The following QRICH1 variants were observed in gnomAD, a reference collection of about 807,000 sequenced individuals.
The protein encoded by QRICH1 is transcriptional regulator QRICH1.
QRICH1 carries 16 observed loss-of-function variants against 87.1 expected under a neutral mutation model. That is an observed-to-expected ratio of 0.18 (90% CI 0.12 to 0.28). The LOEUF is 0.28. Ranked by LOEUF, QRICH1 falls within the 10% of genes least tolerant of loss-of-function variation. The pLI is 1.00. For missense variants in QRICH1, 647 were observed against 951.7 expected, an observed-to-expected ratio of 0.68 and a Z score of 4.21; for synonymous variants, 367 against 368.4, an observed-to-expected ratio of 1.00 and a Z score of 0.05.
chr3:49,033,621 G>A (rs2093255850), intron 6 of QRICH1: 2 of 154,740 alleles, frequency 1.3e-5, no homozygotes, highest in South Asian at 4.1e-4. Context: ...TTTCAAAGGT[G>A]GTCCAGGACC....
At chr3:49,059,172 A>G (rs1265606912) in intron 2 of QRICH1, among the ~76,000 whole-genome samples, 1 of 149,996 alleles carries the variant, frequency 6.7e-6, no homozygotes, top group Non-Finnish European at 1.5e-5. Flanking sequence ...TCACCATGTT[A>G]GCCAGGATGG....
chr3:49,093,420 T>C (rs2042317228), intron 1 of QRICH1: 1 of 151,946 alleles, frequency 6.6e-6, no homozygotes, highest in Non-Finnish European at 1.5e-5. Context: ...ATCCTCAACC[T>C]TCCCAGCGCA....
chr3:49,093,780 T>G (rs1014131669), intron 1 of QRICH1, 132 bp downstream of exon 1: 3 of 346,868 alleles, frequency 8.6e-6, no homozygotes, highest in African/African-American at 6.4e-5. Context: ...CGTTTTCGGC[T>G]CCGGAGCCGC....
intron 2 of QRICH1, among the ~76,000 whole-genome samples, chr3:49,070,737 G>A (rs2093495705): frequency 1.3e-5 from 2 of 152,210 alleles, no homozygotes; most frequent in South Asian, 4.1e-4. Context: ...GCCTGGCCTG[G>A]CCAGAATTCT....
At chr3:49,076,311 G>A (rs1003885203) in intron 2 of QRICH1, among the ~76,000 whole-genome samples, 6 of 152,356 alleles carry the variant, frequency 3.9e-5, no homozygotes, top group South Asian at 2.1e-4. Context: ...GCGGGGTCAC[G>A]TGCCGGGACC....
In QRICH1 at chr3:49,048,490, A is replaced by AAC. The variant is rs2093351499; in HGVS notation, c.1339-1245_1339-1244insGT. Among the ~76,000 whole-genome samples the AAC allele has an allele frequency of 6.1e-5, 9 of 147,354 alleles. No homozygotes were observed. In the South Asian group the frequency reaches 1.9e-3, roughly 32 times the overall value. On this transcript the variant is annotated intron_variant, in intron 3 of 9. Coordinates refer to ENST00000395443, the MANE Select transcript of QRICH1 (RefSeq NM_198880.3). ...TCTGGATTGCTTTAAAAAAAAAAAA[A>AAC]AAAAAAAACCCACCCTGGCCGGGTG...
At chr3:49,052,366 C>A (rs2093375943) in intron 3 of QRICH1, among the ~76,000 whole-genome samples, 3 of 152,088 alleles carry the variant, frequency 2.0e-5, no homozygotes, top group Non-Finnish European at 4.4e-5. Context: ...CAAGTAAATG[C>A]TAAGTAGGCA....
chr3:49,041,629 C>T (rs1274950548), intron 6 of QRICH1, among the ~76,000 whole-genome samples: 1 of 151,520 alleles, frequency 6.6e-6, no homozygotes, highest in African/African-American at 2.4e-5. Context: ...CAACCAGCTG[C>T]TACTCCTTTT....
At chr3:49,050,074 C>T (rs1236796453) in intron 3 of QRICH1, among the ~76,000 whole-genome samples, 7 of 150,734 alleles carry the variant, frequency 4.6e-5, no homozygotes, top group Admixed American at 4.0e-4. Flanking sequence ...CGGTGGCTCA[C>T]GCCTGTAATC....
chr3:49,037,073 T>TAA (rs60963227), intron 6 of QRICH1, among the ~76,000 whole-genome samples: 1,802 of 92,452 alleles, frequency 0.019, 44 homozygotes, highest in Admixed American at 0.053. Flanking sequence ...CCCCGTCTCT[T>TAA]AAAAAAAAAA....
intron 1 of QRICH1, among the ~76,000 whole-genome samples, chr3:49,091,714 A>G (rs947689896): frequency 6.6e-6 from 1 of 152,214 alleles, no homozygotes; most frequent in South Asian, 2.1e-4. Flanking sequence ...ACCAATTTAA[A>G]AGGAAGATCT....
chr3:49,031,309 A>G (rs532336965), intron 9 of QRICH1, among the ~76,000 whole-genome samples: 6 of 152,054 alleles, frequency 3.9e-5, no homozygotes, highest in Non-Finnish European at 7.3e-5. Context: ...TTTCTACCCA[A>G]TAATGATGGC....
rs1020178108 is a variant in QRICH1 at position 49,093,956 on chromosome 3, G to A, written c.-66C>T. Reference sequence around the variant, plus strand: ...CGCCGCCGCCGCCTCCGCTGCACCCGCCGGCCCCGCCGCACCGCCAGGGAC... The same window carrying A: ...CGCCGCCGCCGCCTCCGCTGCACCCACCGGCCCCGCCGCACCGCCAGGGAC... On this transcript the variant is annotated 5_prime_UTR_variant, in exon 1 of 10. Coordinates refer to ENST00000395443, the MANE Select transcript of QRICH1 (RefSeq NM_198880.3). 1 of 397,862 alleles carries A rather than the reference G, an allele frequency of 2.5e-6. No homozygotes were observed. Among genetic ancestry groups the A allele is most frequent in the Non-Finnish European group, 4.4e-6 (1 of 227,160 alleles). 24.6% of individuals were successfully genotyped at this position (397,862 alleles called of 1,614,324 possible). A position where few individuals can be genotyped will look rare whatever the true frequency, so the allele number is the denominator to read the frequency against.
At chr3:49,064,729 G>A (rs2093457126) in intron 2 of QRICH1, among the ~76,000 whole-genome samples, 1 of 152,036 alleles carries the variant, frequency 6.6e-6, no homozygotes, top group Non-Finnish European at 1.5e-5. Context: ...TTAAAAATCA[G>A]ATAAAGCCAG....
chr3:49,076,278 CA>C (rs2041948341), intron 2 of QRICH1, among the ~76,000 whole-genome samples: 1 of 152,244 alleles, frequency 6.6e-6, no homozygotes, highest in Non-Finnish European at 1.5e-5. Context: ...GCCAGTCCCC[CA>C]CCATCACTGA....
intron 3 of QRICH1, among the ~76,000 whole-genome samples, chr3:49,053,278 G>A (rs897022369): frequency 6.6e-6 from 1 of 152,038 alleles, no homozygotes; most frequent in Admixed American, 6.6e-5. Context: ...CACGAGGTCA[G>A]GAGATCGAGA....
chr3:49,091,101 CA>C (rs1048153342), intron 1 of QRICH1, among the ~76,000 whole-genome samples: 33 of 152,020 alleles, frequency 2.2e-4, no homozygotes, highest in African/African-American at 7.5e-4. Context: ...CGGGAGCCTG[CA>C]GTCCCAGCTA....
intron 2 of QRICH1, among the ~76,000 whole-genome samples, chr3:49,059,309 G>C (rs2106913076): frequency 6.6e-6 from 1 of 151,818 alleles, no homozygotes; most frequent in South Asian, 2.1e-4. Flanking sequence ...GCCCAGGTTA[G>C]AGTACCGTGA....
intron 9 of QRICH1, among the ~76,000 whole-genome samples, chr3:49,031,195 C>T (rs572407594): frequency 3.4e-4 from 51 of 151,982 alleles, no homozygotes; most frequent in Admixed American, 7.9e-4. Context: ...TCCATGTTGG[C>T]CAGGCTGGTC....
Sources: gnomAD v4.1 joint callset for allele counts (sites outside exome capture counted in the v4.1 genomes callset) on GRCh38, gnomAD v4.1.1 for gene constraint, MANE v1.5 for transcripts, NCBI Gene and HGNC (gene_info 2026-07-23, HGNC 2026-07-21) for gene names.